The following ADAM32 variants were observed in gnomAD, a reference collection of about 807,000 sequenced individuals.
The protein encoded by ADAM32 is ADAM metallopeptidase domain 32.
In ADAM32, 89 loss-of-function variants were observed where a neutral mutation model predicts 114.9. The ratio of observed to expected loss-of-function variants is 0.77; its 90% CI spans 0.65 to 0.92. ADAM32 has a LOEUF of 0.92. ADAM32 is among the 40% of genes least tolerant of loss of function. The pLI, the probability that ADAM32 is intolerant of heterozygous loss-of-function variation, is 0.00. For missense variants in ADAM32, 870 were observed against 932.8 expected (o/e 0.93, Z 0.88); for synonymous variants, 285 against 307.5 (o/e 0.93, Z 0.77).
At chr8:39,139,288 C>G (rs1476705326) in intron 3 of ADAM32, among the ~76,000 whole-genome samples, 1 of 152,130 alleles carries the variant, frequency 6.6e-6, no homozygotes, top group Non-Finnish European at 1.5e-5. Context: ...AGGTTTTCTT[C>G]TAGGGTTTTT....
At chr8:39,267,074 G>T (rs1158978341) in intron 19 of ADAM32, among the ~76,000 whole-genome samples, 1 of 152,220 alleles carries the variant, frequency 6.6e-6, no homozygotes, top group Admixed American at 6.5e-5. Context: ...TCCAATGGGG[G>T]CTGCCAGCAA....
At chr8:39,107,537 C>G, upstream of ADAM32, 1 of 1,217,846 alleles carries the variant, frequency 8.2e-7, no homozygotes, top group Non-Finnish European at 1.1e-6. Flanking sequence ...TCAGTGGCTC[C>G]AGCAACCACG....
chr8:39,182,700 T>A (rs948844638), intron 10 of ADAM32, among the ~76,000 whole-genome samples: 1 of 152,248 alleles, frequency 6.6e-6, no homozygotes, highest in Non-Finnish European at 1.5e-5. Context: ...TCTTTGTCAG[T>A]CATTTCATAA....
intron 17 of ADAM32, among the ~76,000 whole-genome samples, chr8:39,246,437 C>T (rs953274872): frequency 7.2e-5 from 11 of 152,086 alleles, no homozygotes; most frequent in African/African-American, 2.7e-4. Flanking sequence ...ATACATTAAC[C>T]TGGTTCTCAA....
rs142751473 is a variant in ADAM32, at chr8:39,150,113, T to C, written c.353+246T>C. On this transcript the variant is annotated intron_variant, in intron 5 of 24. Coordinates refer to ENST00000379907, the MANE Select transcript of ADAM32 (RefSeq NM_145004.7). ...TCCTTGCTCTATGTCTTACGTTTCC[T>C]TAACCACAGAAAAGACAATTGAACA... is the stretch of plus-strand genomic sequence containing the variant. 2.1e-3 allele frequency among the ~76,000 whole-genome samples: 322 copies of C among 152,296 alleles called. 1 individual carries two copies. The highest frequency in any genetic ancestry group is 3.2e-3 in the Non-Finnish European group (220 of 67,978).
intron 14 of ADAM32, among the ~76,000 whole-genome samples, chr8:39,228,362 G>A (rs1809529343): frequency 6.6e-6 from 1 of 152,132 alleles, no homozygotes; most frequent in African/African-American, 2.4e-5. Context: ...GAAATCAGGA[G>A]GTTAGCTATT....
intron 2 of ADAM32, among the ~76,000 whole-genome samples, chr8:39,134,346 C>T (rs1802653240): frequency 6.6e-6 from 1 of 152,042 alleles, no homozygotes; most frequent in Non-Finnish European, 1.5e-5. Context: ...GGCTCAGGGG[C>T]TCTCCTGTGG....
chr8:39,284,793 T>A lies in ADAM32; in HGVS notation c.2358T>A (p.Ser786Arg), dbSNP rs202021258. ...CGTGTTTTTTTGTTCTCTTCCACAGTAACTAGTGATTCCTTCAGAAGGCAA... is the reference window on the plus strand; with the variant it reads ...CGTGTTTTTTTGTTCTCTTCCACAGAAACTAGTGATTCCTTCAGAAGGCAA... ...SQDSTQTQSS[S>R]N Residue 786 changes from serine to arginine, a missense_variant and splice_region_variant, in exon 25 of 25, where the codon AGT becomes AGA. Ser to Arg is a moderately radical substitution (Grantham distance 110). Transcript: ENST00000379907. 8.4e-5 allele frequency: 135 copies of A among 1,613,826 alleles called. No homozygotes were observed. In the African/African-American group the frequency reaches 1.7e-3, roughly 20 times the overall value.
At chr8:39,188,920 C>T (rs978849620) in intron 11 of ADAM32, among the ~76,000 whole-genome samples, 22 of 152,022 alleles carry the variant, frequency 1.4e-4, no homozygotes, top group African/African-American at 5.3e-4. Context: ...TATGTTAGTT[C>T]TCAAAGAAAG....
At chr8:39,130,715 CT>C (rs1802392490) in intron 2 of ADAM32, 1 of 288,362 alleles carries the variant, frequency 3.5e-6, no homozygotes, top group African/African-American at 2.3e-5. Context: ...GGTTTTGTCT[CT>C]TGTTGATTCT....
Position 39,238,364 on chromosome 8 carries a change from C to G in ADAM32, c.1818+4282C>G, listed in dbSNP as rs554551972. Among the ~76,000 whole-genome samples the G allele has an allele frequency of 2.6e-5, 4 of 152,298 alleles. No individual in the cohort carries two copies. The East Asian group carries it at 7.7e-4, about 29-fold the overall frequency. On this transcript the variant is annotated intron_variant, in intron 16 of 24. Transcript: ENST00000379907. ...TGGTCTGGCTCTCAGGAAGCCCTAT[C>G]CCTAAGGGAAGGGATAGAGCACAAC... is the stretch of plus-strand genomic sequence containing the variant.
At chr8:39,178,787 G>T (rs879458075) in intron 10 of ADAM32, among the ~76,000 whole-genome samples, 35 of 152,036 alleles carry the variant, frequency 2.3e-4, no homozygotes, top group Admixed American at 4.6e-4. Context: ...CTCTTTCATA[G>T]GGCTGCTGCA....
At chr8:39,180,227 C>G (rs1001099831) in intron 10 of ADAM32, among the ~76,000 whole-genome samples, 2 of 152,198 alleles carry the variant, frequency 1.3e-5, no homozygotes, top group East Asian at 1.9e-4. Context: ...CCGGCCCTGC[C>G]GACCCCAGGC....
chr8:39,153,012 G>A (rs536715595), intron 6 of ADAM32, among the ~76,000 whole-genome samples: 2 of 152,188 alleles, frequency 1.3e-5, no homozygotes, highest in African/African-American at 4.8e-5. Context: ...CATACAGGTA[G>A]CAGAGAAACA....
At chr8:39,249,070 A>T (rs1347584467) in intron 17 of ADAM32, among the ~76,000 whole-genome samples, 3 of 151,274 alleles carry the variant, frequency 2.0e-5, no homozygotes, top group Admixed American at 1.3e-4. Context: ...TGCCCGGATA[A>T]TTTTTTTGTA....
Position 39,257,346 on chromosome 8 carries a change from A to C in ADAM32, c.2162+3A>C. The C allele has an allele frequency of 1.2e-6, 2 of 1,612,880 alleles. No homozygotes were observed. Among genetic ancestry groups the C allele is most frequent in the Non-Finnish European group, 1.7e-6 (2 of 1,179,232 alleles). Reference sequence around the variant, plus strand: ...GAAGAGGAATTCCCAAGTAGCGAGTAAATTGCATTTGTGTTCTGAAGTTAA... The same window carrying C: ...GAAGAGGAATTCCCAAGTAGCGAGTCAATTGCATTTGTGTTCTGAAGTTAA... On this transcript the variant is annotated splice_donor_region_variant and intron_variant, in intron 19 of 24. Transcript: ENST00000379907.
At chr8:39,115,385 G>A (rs1238001765) in intron 1 of ADAM32, among the ~76,000 whole-genome samples, 1 of 152,132 alleles carries the variant, frequency 6.6e-6, no homozygotes, top group Admixed American at 6.6e-5. Flanking sequence ...CCCCAGCAGT[G>A]TATAAGCATT....
At chr8:39,215,024 C>T (rs1808468715) in intron 12 of ADAM32, among the ~76,000 whole-genome samples, 1 of 151,998 alleles carries the variant, frequency 6.6e-6, no homozygotes, top group African/African-American at 2.4e-5. Flanking sequence ...TTTCTGGTTT[C>T]TCTATTCTGT....
At chr8:39,210,227 C>A (rs1336296812) in intron 11 of ADAM32, among the ~76,000 whole-genome samples, 1 of 152,128 alleles carries the variant, frequency 6.6e-6, no homozygotes, top group Non-Finnish European at 1.5e-5. Flanking sequence ...CAGGCAAAGT[C>A]CCATGCACAC....
Sources: allele counts gnomAD v4.1 joint callset (sites outside exome capture counted in the v4.1 genomes callset), GRCh38; gene constraint gnomAD v4.1.1; transcripts MANE v1.5; gene names NCBI Gene and HGNC (gene_info 2026-07-23, HGNC 2026-07-21).